WASHC2A: variants seen among roughly 807,000 people sequenced by gnomAD.
WASHC2A encodes WASH complex subunit FAM21A.
Under a neutral mutation model 140.3 loss-of-function variants are expected in WASHC2A, and 82 were observed. The observed-to-expected ratio is 0.58, with a 90% CI of 0.49 to 0.70. The LOEUF (loss-of-function observed/expected upper bound fraction) is 0.70, where lower values mean the gene tolerates loss of function less well. WASHC2A is among the 30% of genes least tolerant of loss of function. The pLI is 0.00. For missense variants in WASHC2A, 985 were observed against 1,521.8 expected (o/e 0.65, Z 5.87); for synonymous variants, 340 against 560.8 (o/e 0.61, Z 5.56).
chr10:50,091,504 A>G lies in WASHC2A; in HGVS notation c.917A>G (p.Asp306Gly). 1.3e-6 allele frequency: 2 copies of G among 1,549,952 alleles called. No individual in the cohort carries two copies. Among genetic ancestry groups the G allele is most frequent in the Non-Finnish European group, 1.7e-6 (2 of 1,146,952 alleles). ...RIKGDAVGRV[D>G]EEPTTLPSGE... is the part of the protein sequence containing the mutation. The stretch of plus-strand genomic sequence containing the variant: ...AAGGGGGATGCCGTGGGTCGAGTGG[A>G]CGAGGAGCCGACAAGTGAGCCCCAG... The change falls in exon 10 of 31, where the codon GAC becomes GGC. Residue 306 changes from aspartate (D) to glycine (G), a missense_variant. Coordinates refer to ENST00000282633, the MANE Select transcript of WASHC2A (RefSeq NM_001005751.3).
intron 20 of WASHC2A, among the ~76,000 whole-genome samples, chr10:50,112,635 G>A (rs1379169800): frequency 1.1e-4 from 16 of 145,678 alleles, no homozygotes; most frequent in African/African-American, 3.1e-4. Context: ...CATAACAGCC[G>A]AAAGTGTAAA....
At chr10:50,126,321 A>G in intron 26 of WASHC2A, 142 bp downstream of exon 26, 2 of 1,494,346 alleles carry the variant, frequency 1.3e-6, no homozygotes, top group Admixed American at 3.8e-5. Flanking sequence ...TCTTCACTGC[A>G]CTCCCCCCAA....
chr10:50,102,900 C>CT (rs1841350890), intron 17 of WASHC2A, among the ~76,000 whole-genome samples: 1 of 151,418 alleles, frequency 6.6e-6, no homozygotes, highest in African/African-American at 2.4e-5. Context: ...AAATTATACT[C>CT]TTTTTGCCTA....
In WASHC2A at chr10:50,106,096, C is replaced by T. The variant is rs1381588850; in HGVS notation, c.1738-238C>T. On this transcript the variant is annotated intron_variant, in intron 18 of 30. Transcript: ENST00000282633. ...TTCATGATCTCATTTGCATGTTGTTCTCCTGCTTATATGCAGCTGTTCTGC... is the reference window on the plus strand; with the variant it reads ...TTCATGATCTCATTTGCATGTTGTTTTCCTGCTTATATGCAGCTGTTCTGC... Among the ~76,000 whole-genome samples the T allele has an allele frequency of 2.7e-5, 4 of 150,794 alleles. No individual in the cohort carries two copies. The South Asian group carries it at 6.3e-4, about 24-fold the overall frequency.
chr10:50,094,982 G>C (rs576398136), intron 13 of WASHC2A, among the ~76,000 whole-genome samples, 166 bp from the exon 14 acceptor site: 5,721 of 152,050 alleles, frequency 0.038, 363 homozygotes, highest in African/African-American at 0.13. Context: ...TCCTGACATC[G>C]GTAGAGAAGA....
At chr10:50,090,571 T>TTA (rs1299383614) in intron 8 of WASHC2A, among the ~76,000 whole-genome samples, 3 of 142,564 alleles carry the variant, frequency 2.1e-5, no homozygotes, top group Non-Finnish European at 4.6e-5. Flanking sequence ...ATATATATTT[T>TTA]TATATATATA....
In WASHC2A at chr10:50,110,146, A is replaced by G; in HGVS notation, c.1915A>G (p.Ser639Gly). The change falls in exon 20 of 31, where the codon AGC (serine) becomes GGC (glycine). Residue 639 changes from serine (S) to glycine (G), a missense_variant. Ser to Gly is a moderately conservative substitution (Grantham distance 56, BLOSUM62 0). Transcript: ENST00000282633. ...PASQTHLASD[S>G]RSKGEPRDSG... ...TTCACAGACCCACTTAGCATCTGAC[A>G]GCAGGTCTAAAGGAGAACCCAGGGA... The G allele has an allele frequency of 1.9e-6, 3 of 1,611,334 alleles. No homozygotes were observed. The highest frequency in any genetic ancestry group is 2.5e-6 in the Non-Finnish European group (3 of 1,179,630).
intron 20 of WASHC2A, among the ~76,000 whole-genome samples, chr10:50,110,635 G>A (rs1246192413): frequency 3.3e-5 from 5 of 152,150 alleles, no homozygotes; most frequent in African/African-American, 1.2e-4. Flanking sequence ...GCTCATGCCT[G>A]TAATCCCAGC....
At chr10:50,104,205 CT>C in intron 18 of WASHC2A, 62 bp downstream of exon 18, 4 of 1,562,898 alleles carry the variant, frequency 2.6e-6, no homozygotes, top group Non-Finnish European at 3.5e-6. Context: ...GTTGATGCAA[CT>C]TTCTACCCAG....
Position 50,104,061 on chromosome 10 carries a change from G to A in WASHC2A, c.1655G>A (p.Ser552Asn). ...CAACAGGATTTGTTTTCTTCTCAAA[G>A]TGCGAGTAAGTTAAAAGGTGCGTCT... ...EDSEDLFSSQ[S>N]ASKLKGASLL... The change falls in exon 18 of 31, where the codon AGT becomes AAT. Residue 552 changes from serine (S) to asparagine (N), a missense_variant. By Grantham distance (46) the Ser-to-Asn change is conservative (BLOSUM62 1). Coordinates refer to ENST00000282633, the MANE Select transcript of WASHC2A (RefSeq NM_001005751.3). The A allele has an allele frequency of 2.0e-6, 3 of 1,512,320 alleles. No homozygotes were observed. Among genetic ancestry groups the A allele is most frequent in the Non-Finnish European group, 2.7e-6 (3 of 1,095,832 alleles). The allele number at this position is 1,512,320 out of a possible 1,614,324, so 93.7% of individuals were successfully genotyped here.
intron 20 of WASHC2A, among the ~76,000 whole-genome samples, chr10:50,111,560 G>A (rs1247250588): frequency 2.6e-4 from 40 of 152,312 alleles, no homozygotes; most frequent in Non-Finnish European, 3.1e-4. Context: ...GAATCTAAAT[G>A]TGAAATGCTG....
chr10:50,129,853 T>C lies in WASHC2A; in HGVS notation c.3522T>C (p.Ala1174=). 1.2e-6 allele frequency: 2 copies of C among 1,611,994 alleles called. No individual in the cohort carries two copies. Among genetic ancestry groups the C allele is most frequent in the Non-Finnish European group, 1.7e-6 (2 of 1,179,842 alleles). ...AAGCAAAGAGCCCCATGTTTCCTGC[T>C]CTAGGTGAGGCCAGCAGTGATGATG... The part of the protein sequence containing the change: ...GGKAKSPMFP[A]LGEASSDDDL... The change falls in exon 29 of 31, where the codon GCT becomes GCC. Residue 1174 remains alanine, a synonymous_variant. Transcript: ENST00000282633.
chr10:50,090,878 A>G lies in WASHC2A; in HGVS notation c.835A>G (p.Thr279Ala). Residue 279 changes from threonine (T) to alanine (A), a missense_variant, in exon 9 of 31, where the codon ACT (threonine) becomes GCT (alanine). Coordinates refer to ENST00000282633, the MANE Select transcript of WASHC2A (RefSeq NM_001005751.3). ...EEDIEDIEEN[T>A]RPKRSRPTSF... ...AGATATTGAGGACATTGAAGAAAAT[A>G]CTAGACCTGTAAGGAAGGCTGTAGT... is the stretch of plus-strand genomic sequence containing the variant. The G allele has an allele frequency of 6.2e-7, 1 of 1,611,414 alleles. No homozygotes were observed. Among genetic ancestry groups the G allele is most frequent in the Non-Finnish European group, 8.5e-7 (1 of 1,179,738 alleles).
At position 50,095,223 on chromosome 10, in the gene WASHC2A, T is replaced by C. The variant is rs1840356003; in HGVS notation, c.1240+16T>C. The C allele has an allele frequency of 6.5e-7, 1 of 1,546,090 alleles. No individual in the cohort carries two copies. The highest frequency in any genetic ancestry group is 1.4e-5 in the African/African-American group (1 of 73,366). ...GTATTTTTAGGTAACATAACTTAGGTTTGTTTTCTAAAAACTACACAAATA... is the reference window on the plus strand; with the variant it reads ...GTATTTTTAGGTAACATAACTTAGGCTTGTTTTCTAAAAACTACACAAATA... On this transcript the variant is annotated intron_variant, in intron 14 of 30. Coordinates refer to ENST00000282633, the MANE Select transcript of WASHC2A (RefSeq NM_001005751.3).
At chr10:50,068,512 G>C (rs1391155705) in intron 2 of WASHC2A, among the ~76,000 whole-genome samples, 1 of 151,432 alleles carries the variant, frequency 6.6e-6, no homozygotes, top group Non-Finnish European at 1.5e-5. Flanking sequence ...GGGATTGCTC[G>C]GGCACTAGGG....
intron 21 of WASHC2A, among the ~76,000 whole-genome samples, chr10:50,115,854 G>T (rs1463043340): frequency 2.0e-5 from 3 of 151,888 alleles, no homozygotes; most frequent in Middle Eastern, 3.4e-3. Context: ...GGTGGCTCAC[G>T]CCTGTAATCC....
chr10:50,091,546 T>C (rs1839927231), intron 10 of WASHC2A, 28 bp downstream of exon 10: 1 of 1,548,946 alleles, frequency 6.5e-7, no homozygotes, highest in South Asian at 1.2e-5. Flanking sequence ...TGATGGGGAG[T>C]AGGGGGGGAG....
In WASHC2A at chr10:50,078,559, C is replaced by A; in HGVS notation, c.292-116C>A. On this transcript the variant is annotated intron_variant, in intron 3 of 30. Transcript: ENST00000282633. ...ACCTGGTAGTGGTCTCAGCCCTTTG[C>A]TGAATAACCATTTCCTTCCCCATCT... 8 of 1,607,878 alleles carry A rather than the reference C, an allele frequency of 5.0e-6. No homozygotes were observed. In the South Asian group the frequency reaches 7.7e-5, roughly 16 times the overall value.
At chr10:50,094,822 G>C (rs1345667014) in intron 13 of WASHC2A, among the ~76,000 whole-genome samples, 1 of 150,796 alleles carries the variant, frequency 6.6e-6, no homozygotes, top group African/African-American at 2.4e-5. Flanking sequence ...GGAACTGTTT[G>C]GGGGAGCCCT....
Sources: gnomAD v4.1 joint callset for allele counts (sites outside exome capture counted in the v4.1 genomes callset) on GRCh38, gnomAD v4.1.1 for gene constraint, MANE v1.5 for transcripts, NCBI Gene and HGNC (gene_info 2026-07-23, HGNC 2026-07-21) for gene names.